The following PAG1 variants were observed in gnomAD, a reference collection of about 807,000 sequenced individuals.
PAG1 encodes phosphoprotein membrane anchor with glycosphingolipid microdomains 1.
PAG1 carries 23 observed loss-of-function variants against 31.7 expected under a neutral mutation model. The observed-to-expected ratio is 0.73, with a 90% CI of 0.52 to 1.03. The LOEUF is 1.03. PAG1 is among the 50% of genes least tolerant of loss of function. The pLI is 0.00. For missense variants in PAG1, 473 were observed against 540.7 expected, an observed-to-expected ratio of 0.87 and a Z score of 1.24; for synonymous variants, 214 against 210.3, an observed-to-expected ratio of 1.02 and a Z score of -0.15.
At chr8:81,073,040 C>T (rs367667273) in intron 1 of PAG1, among the ~76,000 whole-genome samples, 4 of 152,186 alleles carry the variant, frequency 2.6e-5, no homozygotes, top group African/African-American at 7.2e-5. Flanking sequence ...GTAGACTGAA[C>T]GCCTGACTCC....
At chr8:81,063,096 A>G (rs1808944216) in intron 2 of PAG1, among the ~76,000 whole-genome samples, 1 of 152,208 alleles carries the variant, frequency 6.6e-6, no homozygotes, top group Admixed American at 6.5e-5. Flanking sequence ...ACTATGAGAA[A>G]CTTGGAATTT....
Position 81,038,543 on chromosome 8 carries a change from G to A in PAG1, c.-174-8454C>T, listed in dbSNP as rs138853154. Reference sequence around the variant, plus strand: ...GTTTCAGAGGGGTATGCAGGGCCGTGTGTGAACTGGGGGTTGGTAGGTTGG... The same window carrying A: ...GTTTCAGAGGGGTATGCAGGGCCGTATGTGAACTGGGGGTTGGTAGGTTGG... On this transcript the variant is annotated intron_variant, in intron 2 of 8. Coordinates refer to ENST00000220597, the MANE Select transcript of PAG1 (RefSeq NM_018440.4). Among the ~76,000 whole-genome samples the A allele has an allele frequency of 3.0e-4, 45 of 152,298 alleles. 1 individual carries two copies. Among genetic ancestry groups the A allele is most frequent in the African/African-American group, 1.1e-3 (45 of 41,556 alleles).
chr8:81,016,050 C>T (rs762065353), intron 3 of PAG1, among the ~76,000 whole-genome samples: 1 of 152,126 alleles, frequency 6.6e-6, no homozygotes. Context: ...TCCAGTTGTC[C>T]TTATTGTTCC....
intron 2 of PAG1, among the ~76,000 whole-genome samples, chr8:81,032,015 A>G (rs1277229407): frequency 2.0e-5 from 3 of 152,256 alleles, no homozygotes; most frequent in Non-Finnish European, 4.4e-5. Context: ...AGACAGCCAT[A>G]TATAAAAGAA....
At chr8:81,057,622 G>A (rs532727764) in intron 2 of PAG1, among the ~76,000 whole-genome samples, 1 of 151,750 alleles carries the variant, frequency 6.6e-6, no homozygotes, top group East Asian at 2.0e-4. Context: ...TGCAAATGAC[G>A]AGTTAATCGG....
chr8:81,045,711 T>C (rs573579452), intron 2 of PAG1, among the ~76,000 whole-genome samples: 1 of 152,258 alleles, frequency 6.6e-6, no homozygotes, highest in Non-Finnish European at 1.5e-5. Flanking sequence ...TCTCAATAAG[T>C]TGTTTCTTTA....
intron 1 of PAG1, among the ~76,000 whole-genome samples, chr8:81,072,045 C>T (rs888939070): frequency 1.3e-5 from 2 of 152,228 alleles, no homozygotes; most frequent in African/African-American, 4.8e-5. Context: ...CAGGGGCCCA[C>T]TGAGATGTGT....
intron 1 of PAG1, among the ~76,000 whole-genome samples, chr8:81,110,446 T>C (rs1290335229): frequency 6.6e-6 from 1 of 152,178 alleles, no homozygotes; most frequent in East Asian, 1.9e-4. Flanking sequence ...AATCCATAGC[T>C]CTGCTTAAAA....
intron 8 of PAG1, among the ~76,000 whole-genome samples, chr8:80,977,943 C>T (rs184965066): frequency 1.4e-3 from 220 of 152,320 alleles, no homozygotes; most frequent in African/African-American, 5.1e-3. Flanking sequence ...CCAGGAAATA[C>T]ATGAACATGC....
chr8:81,041,791 AG>A (rs1269803614), intron 2 of PAG1, among the ~76,000 whole-genome samples: 4 of 152,194 alleles, frequency 2.6e-5, no homozygotes, highest in Admixed American at 2.6e-4. Context: ...TTTGTAGGCC[AG>A]GTACCAGGAA....
rs1339872719 is a variant in PAG1, at chr8:81,062,442, A to G, written c.-175+7670T>C. 2.6e-5 allele frequency among the ~76,000 whole-genome samples: 4 copies of G among 152,354 alleles called. No homozygotes were observed. In the East Asian group the frequency reaches 7.7e-4, roughly 29 times the overall value. ...CATATTGGCAGCATGCCTTTGGGCTATGGGGCATCAGATGGGTAATGGCAA... is the reference window on the plus strand; with the variant it reads ...CATATTGGCAGCATGCCTTTGGGCTGTGGGGCATCAGATGGGTAATGGCAA... On this transcript the variant is annotated intron_variant, in intron 2 of 8. Transcript: ENST00000220597.
rs1395905264 is a variant in PAG1, at chr8:80,991,374, C to T, written c.177+105G>A. ...CGTTTAACTTAGGCTTAGCTCTCCC[C>T]GTGGGTTCTACTCAGGCTGTGAGCA... On this transcript the variant is annotated intron_variant, in intron 5 of 8. Transcript: ENST00000220597. 3.1e-5 allele frequency: 26 copies of T among 850,100 alleles called. 1 individual carries two copies. Among genetic ancestry groups the T allele is most frequent in the South Asian group, 1.8e-4 (13 of 73,294 alleles). The allele number at this position is 850,100 out of a possible 1,614,324, so 52.7% of individuals were successfully genotyped here.
chr8:80,996,396 T>G (rs1278335989), intron 3 of PAG1, among the ~76,000 whole-genome samples: 1 of 152,230 alleles, frequency 6.6e-6, no homozygotes, highest in Non-Finnish European at 1.5e-5. Flanking sequence ...GGAGAAGATC[T>G]GTGCACTGCT....
At chr8:81,109,985 C>T (rs768349739) in intron 1 of PAG1, among the ~76,000 whole-genome samples, 1 of 150,120 alleles carries the variant, frequency 6.7e-6, no homozygotes, top group African/African-American at 2.4e-5. Flanking sequence ...TCTCACAAAC[C>T]GCAATGTGTT....
At chr8:80,986,662 T>A (rs1034596520) in intron 6 of PAG1, among the ~76,000 whole-genome samples, 1 of 152,100 alleles carries the variant, frequency 6.6e-6, no homozygotes, top group Admixed American at 6.5e-5. Context: ...AACTTGTGAA[T>A]GTGTAATGTT....
intron 1 of PAG1, among the ~76,000 whole-genome samples, chr8:81,086,514 T>C (rs11985053): frequency 0.12 from 18,228 of 151,112 alleles, 3,635 homozygotes; most frequent in African/African-American, 0.41. Flanking sequence ...TGCGCGCGCG[T>C]GTGTGTGTGT....
intron 3 of PAG1, among the ~76,000 whole-genome samples, chr8:81,013,795 G>T (rs2130688696): frequency 6.6e-6 from 1 of 152,212 alleles, no homozygotes; most frequent in Admixed American, 6.5e-5. Flanking sequence ...GGCCAGGCTG[G>T]TCTCAAACTC....
At chr8:81,025,054 A>G (rs1281091826) in intron 3 of PAG1, among the ~76,000 whole-genome samples, 2 of 152,202 alleles carry the variant, frequency 1.3e-5, no homozygotes, top group African/African-American at 4.8e-5. Context: ...CTAAGGTCCC[A>G]ATAGCTATCA....
At chr8:81,007,210 C>T (rs554185052) in intron 3 of PAG1, among the ~76,000 whole-genome samples, 83 of 151,794 alleles carry the variant, frequency 5.5e-4, no homozygotes, top group Non-Finnish European at 8.7e-4. Context: ...GTGGGAAGTG[C>T]GGGAAAAAGG....
Sources: allele counts gnomAD v4.1 joint callset (sites outside exome capture counted in the v4.1 genomes callset), GRCh38; gene constraint gnomAD v4.1.1; transcripts MANE v1.5; gene names NCBI Gene and HGNC (gene_info 2026-07-23, HGNC 2026-07-21).